HDC: variants seen among roughly 807,000 people sequenced by gnomAD.
The protein encoded by HDC is histidine decarboxylase.
Under a neutral mutation model 64.4 loss-of-function variants are expected in HDC, and 27 were observed. The ratio of observed to expected loss-of-function variants is 0.42; its 90% confidence interval spans 0.31 to 0.58. HDC has a LOEUF of 0.58. Among genes scored for constraint, HDC ranks in the 20% least tolerant of loss-of-function variants. HDC has a pLI of 0.16. For synonymous variants in HDC, 305 were observed against 314.2 expected, an observed-to-expected ratio of 0.97 and a Z score of 0.31; for missense variants, 711 against 833.9, an observed-to-expected ratio of 0.85 and a Z score of 1.81.
chr15:50,253,884 A>T (rs2045591609), intron 6 of HDC: 1 of 641,078 alleles, frequency 1.6e-6, no homozygotes, highest in African/African-American at 1.8e-5. Flanking sequence ...TTCATAAAAC[A>T]ATACATACTC....
At chr15:50,251,820 A>G (rs2045558737) in intron 9 of HDC, among the ~76,000 whole-genome samples, 1 of 150,390 alleles carries the variant, frequency 6.6e-6, no homozygotes, top group Admixed American at 6.6e-5. Flanking sequence ...TGACAGAGCG[A>G]GACTCTGTCT....
At chr15:50,254,754 C>G (rs1181858584) in intron 4 of HDC, 90 bp from the exon 5 acceptor site, 2 of 963,762 alleles carry the variant, frequency 2.1e-6, no homozygotes, top group Non-Finnish European at 3.2e-6. Flanking sequence ...CTCTCTCTCT[C>G]TCTCTCTCTC....
intron 4 of HDC, among the ~76,000 whole-genome samples, chr15:50,255,426 G>C (rs1352044515): frequency 6.6e-6 from 1 of 152,132 alleles, no homozygotes; most frequent in Non-Finnish European, 1.5e-5. Context: ...CATGGAGAGT[G>C]GTGTGGACCA....
intron 11 of HDC, 21 bp from the exon 12 acceptor site, chr15:50,243,027 G>C: frequency 1.2e-6 from 2 of 1,614,120 alleles, no homozygotes; most frequent in South Asian, 2.2e-5. Flanking sequence ...AATAAAGGAA[G>C]TGAAGTCTCC....
Position 50,243,125 on chromosome 15 carries a change from C to T in HDC, c.1242+18G>A. On this transcript the variant is annotated intron_variant, in intron 11 of 11. Coordinates refer to ENST00000267845, the MANE Select transcript of HDC (RefSeq NM_002112.4). The stretch of plus-strand genomic sequence containing the variant: ...CCACAAGACATCATTCACAGAGGGG[C>T]TTGGAAGATGGTATTACCTTTAGAC... The T allele has an allele frequency of 6.2e-7, 1 of 1,611,604 alleles. No homozygotes were observed. Among genetic ancestry groups the T allele is most frequent in the Non-Finnish European group, 8.5e-7 (1 of 1,177,664 alleles).
At chr15:50,256,470 C>T (rs568791818) in intron 4 of HDC, among the ~76,000 whole-genome samples, 29 of 152,258 alleles carry the variant, frequency 1.9e-4, no homozygotes, top group Admixed American at 4.6e-4. Context: ...CCCACTGCAG[C>T]CTCAATCTTC....
intron 5 of HDC, 91 bp downstream of exon 5, chr15:50,254,439 C>G: frequency 6.4e-7 from 1 of 1,567,588 alleles, no homozygotes; most frequent in Non-Finnish European, 8.8e-7. Context: ...AGAACCCCAG[C>G]GTACTCACGT....
In HDC at chr15:50,242,957, C is replaced by A. The variant is rs774705171; in HGVS notation, c.1292G>T (p.Gly431Val). 6.2e-7 allele frequency: 1 copy of A among 1,613,968 alleles called. No individual in the cohort carries two copies. The highest frequency in any genetic ancestry group is 1.7e-5 in the Admixed American group (1 of 60,018). Residue 431 changes from glycine to valine, a missense_variant, in exon 12 of 12, where the codon GGC becomes GTC. Gly to Val is a moderately radical substitution (Grantham distance 109). This residue lies in a region of HDC where 483 missense variants were observed against 540.9 expected (regional missense o/e 0.89). Transcript: ENST00000267845. ...ENVLKEIAKA[G>V]RLFLIPATIQ... ...AGTGGCCGGGATGAGGAAGAGACGG[C>A]CAGCTTTAGCTATTTCCTTTAACAC... is the stretch of plus-strand genomic sequence containing the variant.
At chr15:50,263,866 G>A (rs1216734232) in intron 1 of HDC, among the ~76,000 whole-genome samples, 2 of 152,180 alleles carry the variant, frequency 1.3e-5, no homozygotes, top group African/African-American at 4.8e-5. Flanking sequence ...AAAAAAGAGT[G>A]AGGGAGTGAA....
Position 50,253,731 on chromosome 15 carries a change from A to C in HDC, c.721-65T>G, listed in dbSNP as rs2045588969. The C allele has an allele frequency of 3.1e-6, 4 of 1,288,414 alleles. No homozygotes were observed. In the Admixed American group the frequency reaches 6.7e-5, roughly 22 times the overall value. 79.8% of individuals were successfully genotyped at this position (1,288,414 alleles called of 1,614,324 possible). The stretch of plus-strand genomic sequence containing the variant: ...CTCGTGTGACACATTTGGCCTGAGA[A>C]AGATTTCACCACAGACGTGATCTAC... On this transcript the variant is annotated intron_variant, in intron 6 of 11. Coordinates refer to ENST00000267845, the MANE Select transcript of HDC (RefSeq NM_002112.4).
At chr15:50,263,445 G>C (rs368278943) in intron 1 of HDC, 38 bp from the exon 2 acceptor site, 10 of 1,593,394 alleles carry the variant, frequency 6.3e-6, no homozygotes, top group African/African-American at 4.0e-5. Flanking sequence ...GAAATCCCCT[G>C]ACTGGGCCTG....
chr15:50,253,052 C>A (rs749251738), intron 7 of HDC: 53 of 514,232 alleles, frequency 1.0e-4, no homozygotes, highest in Non-Finnish European at 1.4e-4. Flanking sequence ...CCTAGAACAT[C>A]CTGGCACAGA....
At chr15:50,261,380 T>A (rs1595711611) in intron 2 of HDC, among the ~76,000 whole-genome samples, 1 of 152,212 alleles carries the variant, frequency 6.6e-6, no homozygotes, top group Non-Finnish European at 1.5e-5. Context: ...ATCCAGGAGA[T>A]AATCTTATCA....
intron 10 of HDC, chr15:50,244,603 G>T (rs2045452771): frequency 6.6e-6 from 1 of 152,216 alleles, no homozygotes; most frequent in African/African-American, 2.4e-5. Flanking sequence ...ACCATGTCTG[G>T]CCCTGAGCCT....
chr15:50,242,068 G>T lies in HDC; in HGVS notation c.*192C>A. On this transcript the variant is annotated 3_prime_UTR_variant, in exon 12 of 12. Transcript: ENST00000267845. ...CTGACCAGACTGCTGAACCCATCTG[G>T]ATCATGCTGGCTTAAACTCTTCGTT... The T allele has an allele frequency of 1.6e-6, 1 of 626,304 alleles. No homozygotes were observed. The highest frequency in any genetic ancestry group is 2.8e-6 in the Non-Finnish European group (1 of 354,404). 38.8% of individuals were successfully genotyped at this position (626,304 alleles called of 1,614,324 possible). A position where few individuals can be genotyped will look rare whatever the true frequency, so the allele number is the denominator to read the frequency against.
At position 50,258,434 on chromosome 15, in the gene HDC, A is replaced by C; in HGVS notation, c.288T>G (p.Ala96=). ...TGAATCCCAAGCAGTTGATGGCATC[A>C]GCCAGCATGTCTCCTAGCAGGGAGG... ...SWPSLLGDML[A]DAINCLGFTW... Residue 96 remains alanine, a synonymous_variant, in exon 3 of 12, where the codon GCT becomes GCG. Coordinates refer to ENST00000267845, the MANE Select transcript of HDC (RefSeq NM_002112.4). The C allele has an allele frequency of 1.9e-6, 3 of 1,612,926 alleles. No homozygotes were observed. The highest frequency in any genetic ancestry group is 2.5e-6 in the Non-Finnish European group (3 of 1,178,946).
chr15:50,254,774 C>CTGTG lies in HDC; in HGVS notation c.442-111_442-110insCACA, dbSNP rs1381284473. ...TCTCTCTCTCTCTCTCTCTCTCTCT[C>CTGTG]TCTGTGTGTGTATGTGTTTGTGTAT... On this transcript the variant is annotated intron_variant, in intron 4 of 11. Coordinates refer to ENST00000267845, the MANE Select transcript of HDC (RefSeq NM_002112.4). 5.3e-5 allele frequency: 49 copies of CTGTG among 926,060 alleles called. No homozygotes were observed. The African/African-American group carries it at 7.7e-4, about 15-fold the overall frequency. The allele number at this position is 926,060 out of a possible 1,614,324, so 57.4% of individuals were successfully genotyped here. A position where few individuals can be genotyped will look rare whatever the true frequency, so the allele number is the denominator to read the frequency against.
At chr15:50,263,083 A>G (rs923269426) in intron 2 of HDC, 152 bp downstream of exon 2, 22 of 810,836 alleles carry the variant, frequency 2.7e-5, no homozygotes, top group Non-Finnish European at 4.6e-5. Context: ...TGCCCTCCAC[A>G]TGCCTAGCAG....
rs1452981737 is a variant in HDC at position 50,252,425 on chromosome 15, C to T, written c.1041+5G>A. 3 of 1,613,830 alleles carry T rather than the reference C, an allele frequency of 1.9e-6. No homozygotes were observed. The highest frequency in any genetic ancestry group is 1.3e-5 in the African/African-American group (1 of 75,050). ...CCACCAGGCTGCCCGTCCCTGGCCA[C>T]TCACCATGAAGTCGGTGGCCACGCC... On this transcript the variant is annotated splice_donor_5th_base_variant and intron_variant, in intron 9 of 11. Transcript: ENST00000267845.
Sources: gnomAD v4.1 joint callset for allele counts (sites outside exome capture counted in the v4.1 genomes callset) on GRCh38, gnomAD v4.1.1 for gene constraint, gnomAD v4.1.1 regional missense constraint, MANE v1.5 for transcripts, NCBI Gene and HGNC (gene_info 2026-07-23, HGNC 2026-07-21) for gene names.